The following RUNX1 variants were observed in gnomAD, a reference collection of about 807,000 sequenced individuals.
The protein encoded by RUNX1 is RUNX family transcription factor 1, also known as runt-related transcription factor 1.
Under a neutral mutation model 42.8 loss-of-function variants are expected in RUNX1, and 19 were observed. The observed-to-expected ratio is 0.44, with a 90% CI of 0.31 to 0.65. RUNX1 has a LOEUF of 0.65. Ranked by LOEUF, RUNX1 falls within the 30% of genes least tolerant of loss-of-function variation. RUNX1 has a pLI of 0.07. For missense variants in RUNX1, 528 were observed against 672.0 expected (o/e 0.79, Z 2.37); for synonymous variants, 271 against 289.4 (o/e 0.94, Z 0.64).
intron 7 of RUNX1, among the ~76,000 whole-genome samples, chr21:34,826,014 G>A (rs904589125): frequency 5.3e-5 from 8 of 152,164 alleles, no homozygotes; most frequent in Non-Finnish European, 1.2e-4. Flanking sequence ...TTGGACTTCT[G>A]GCCTCCAGAA....
intron 2 of RUNX1, among the ~76,000 whole-genome samples, chr21:35,016,210 T>G (rs1204300086): frequency 6.6e-6 from 1 of 152,224 alleles, no homozygotes; most frequent in African/African-American, 2.4e-5. Context: ...GCTGTTTCTC[T>G]GCAACCCAAC....
At chr21:34,797,677 T>C (rs1383533606) in intron 8 of RUNX1, among the ~76,000 whole-genome samples, 1 of 152,240 alleles carries the variant, frequency 6.6e-6, no homozygotes, top group East Asian at 1.9e-4. Flanking sequence ...GATGCCAAGA[T>C]ACCTGTGCTA....
chr21:34,875,823 A>C (rs190686597), intron 5 of RUNX1, among the ~76,000 whole-genome samples: 2 of 152,240 alleles, frequency 1.3e-5, no homozygotes, highest in East Asian at 1.9e-4. Flanking sequence ...TCTTGACCAC[A>C]GTCTTCCACT....
In RUNX1 at chr21:34,791,858, G is replaced by C. The variant is rs2145869576; in HGVS notation, c.*277C>G. The C allele has an allele frequency of 4.0e-6, 1 of 251,530 alleles. No individual in the cohort carries two copies. The highest frequency in any genetic ancestry group is 5.5e-5 in the Admixed American group (1 of 18,114). 15.6% of individuals were successfully genotyped at this position (251,530 alleles called of 1,614,324 possible). ...CTGTTTGCTTTCCAGCGCGTCCCCTGGGTGCTGGGGCCGGCGGACACCCTC... is the reference window on the plus strand; with the variant it reads ...CTGTTTGCTTTCCAGCGCGTCCCCTCGGTGCTGGGGCCGGCGGACACCCTC... On this transcript the variant is annotated 3_prime_UTR_variant, in exon 9 of 9. Coordinates refer to ENST00000675419, the MANE Select transcript of RUNX1 (RefSeq NM_001754.5).
chr21:35,016,383 G>T (rs904948970), intron 2 of RUNX1, among the ~76,000 whole-genome samples: 2 of 152,160 alleles, frequency 1.3e-5, no homozygotes, highest in Admixed American at 1.3e-4. Context: ...CTTGAGTAAA[G>T]CTTTCTATTA....
intron 2 of RUNX1, among the ~76,000 whole-genome samples, chr21:34,974,588 G>T (rs2058787077): frequency 2.0e-5 from 3 of 152,130 alleles, no homozygotes; most frequent in Admixed American, 2.0e-4. Context: ...GGCACAAAAT[G>T]AATAAAATGA....
chr21:34,981,837 C>T (rs758095120), intron 2 of RUNX1, among the ~76,000 whole-genome samples: 2 of 152,060 alleles, frequency 1.3e-5, no homozygotes, highest in South Asian at 2.1e-4. Flanking sequence ...TCCTTAGCTA[C>T]AAAATGGTTC....
At chr21:34,911,351 C>T (rs1343975420) in intron 2 of RUNX1, among the ~76,000 whole-genome samples, 3 of 152,212 alleles carry the variant, frequency 2.0e-5, no homozygotes, top group African/African-American at 7.2e-5. Context: ...TATTACCAGA[C>T]ATCTCATAGA....
At chr21:34,864,958 A>T (rs113831240) in intron 5 of RUNX1, among the ~76,000 whole-genome samples, 74 of 152,268 alleles carry the variant, frequency 4.9e-4, no homozygotes, top group Non-Finnish European at 9.4e-4. Flanking sequence ...AAGGCAACCT[A>T]CTTAGGTTCA....
At chr21:34,821,912 C>T (rs1050685995) in intron 7 of RUNX1, among the ~76,000 whole-genome samples, 3 of 152,188 alleles carry the variant, frequency 2.0e-5, no homozygotes, top group African/African-American at 4.8e-5. Flanking sequence ...AGTCATGCTT[C>T]GTAATTTGTG....
chr21:34,856,149 A>G, intron 6 of RUNX1: 1 of 358,622 alleles, frequency 2.8e-6, no homozygotes, highest in Non-Finnish European at 5.5e-6. Context: ...GGATGCATCA[A>G]GTTTACCCGT....
chr21:34,980,720 A>T (rs766047622), intron 2 of RUNX1, among the ~76,000 whole-genome samples: 8 of 152,136 alleles, frequency 5.3e-5, no homozygotes, highest in Non-Finnish European at 8.8e-5. Context: ...AACTATCAAG[A>T]CACTGTGATT....
At chr21:34,998,055 C>G (rs1208896977) in intron 2 of RUNX1, among the ~76,000 whole-genome samples, 1 of 152,150 alleles carries the variant, frequency 6.6e-6, no homozygotes, top group Non-Finnish European at 1.5e-5. Context: ...GTGACATTAT[C>G]TAGACATCTA....
intron 6 of RUNX1, among the ~76,000 whole-genome samples, chr21:34,840,134 C>T (rs1230987880): frequency 6.6e-6 from 1 of 152,106 alleles, no homozygotes; most frequent in Admixed American, 6.5e-5. Context: ...AAGGTGAACC[C>T]CAGATTCTCA....
chr21:34,886,691 A>ATC, intron 4 of RUNX1, 152 bp downstream of exon 4: 9 of 1,246,978 alleles, frequency 7.2e-6, no homozygotes, highest in Non-Finnish European at 8.9e-6. Flanking sequence ...GCAACACAGC[A>ATC]TCCCCCACAT....
At chr21:34,889,170 C>A (rs1297792666) in intron 3 of RUNX1, among the ~76,000 whole-genome samples, 3 of 151,648 alleles carry the variant, frequency 2.0e-5, no homozygotes, top group African/African-American at 7.3e-5. Context: ...AGCCCGCGGA[C>A]GGCCCCAGAT....
chr21:34,908,846 A>C (rs1310992393), intron 2 of RUNX1, among the ~76,000 whole-genome samples: 1 of 152,162 alleles, frequency 6.6e-6, no homozygotes. Flanking sequence ...CCAATGATTC[A>C]GGATATGTAA....
At chr21:34,839,024 T>G (rs1225399359) in intron 6 of RUNX1, among the ~76,000 whole-genome samples, 1 of 152,106 alleles carries the variant, frequency 6.6e-6, no homozygotes, top group Admixed American at 6.6e-5. Context: ...ATGGGTAGCC[T>G]CACTTTCCCC....
intron 4 of RUNX1, among the ~76,000 whole-genome samples, chr21:34,881,292 CA>C (rs1170266940): frequency 6.6e-6 from 1 of 152,066 alleles, no homozygotes; most frequent in East Asian, 1.9e-4. Flanking sequence ...CAAAAAAACA[CA>C]AAAAAACCCA....
Sources: gnomAD v4.1 joint callset for allele counts (sites outside exome capture counted in the v4.1 genomes callset) on GRCh38, gnomAD v4.1.1 for gene constraint, MANE v1.5 for transcripts, NCBI Gene and HGNC (gene_info 2026-07-23, HGNC 2026-07-21) for gene names.